The following SMOC2 variants were observed in gnomAD, a reference collection of about 807,000 sequenced individuals.
SMOC2 encodes the protein SPARC related modular calcium binding 2.
In SMOC2, 39 loss-of-function variants were observed where a neutral mutation model predicts 61.4. That is an observed-to-expected ratio of 0.64 (90% CI 0.49 to 0.83). SMOC2 has a LOEUF of 0.83. Among genes scored for constraint, SMOC2 ranks in the 40% least tolerant of loss-of-function variants. The probability of loss-of-function intolerance (pLI) is 0.00; values close to 1 mark genes in which losing one functional copy is unlikely to be tolerated. For missense variants in SMOC2, 556 were observed against 592.9 expected (o/e 0.94, Z 0.65); for synonymous variants, 247 against 239.9 (o/e 1.03, Z -0.27).
intron 7 of SMOC2, among the ~76,000 whole-genome samples, chr6:168,551,252 T>A (rs1209943925): frequency 1.3e-5 from 2 of 151,934 alleles, no homozygotes; most frequent in Non-Finnish European, 2.9e-5. Flanking sequence ...GAACCGTGAG[T>A]CCATTAAACC....
At chr6:168,528,395 T>C (rs923888269) in intron 4 of SMOC2, among the ~76,000 whole-genome samples, 3 of 152,160 alleles carry the variant, frequency 2.0e-5, no homozygotes, top group Non-Finnish European at 4.4e-5. Flanking sequence ...AATGCTATGA[T>C]CTAGCCCTCC....
chr6:168,472,384 T>G (rs1300841184), intron 1 of SMOC2, among the ~76,000 whole-genome samples: 3 of 152,178 alleles, frequency 2.0e-5, no homozygotes, highest in Non-Finnish European at 4.4e-5. Flanking sequence ...TTCTGGCACT[T>G]CTACTCTATT....
intron 3 of SMOC2, 125 bp downstream of exon 3, chr6:168,526,577 A>G: frequency 1.4e-6 from 1 of 713,542 alleles, no homozygotes; most frequent in Non-Finnish European, 2.4e-6. Flanking sequence ...TCTCTGGGGA[A>G]ATCAGCCTTC....
chr6:168,478,876 C>T (rs1782146302), intron 1 of SMOC2, among the ~76,000 whole-genome samples: 1 of 151,456 alleles, frequency 6.6e-6, no homozygotes, highest in Admixed American at 6.6e-5. Context: ...GGAAAGGAGT[C>T]AGGAATGTTG....
chr6:168,518,144 G>A (rs1459509648), intron 2 of SMOC2, among the ~76,000 whole-genome samples: 1 of 152,210 alleles, frequency 6.6e-6, no homozygotes, highest in African/African-American at 2.4e-5. Context: ...CGGGAGTCGC[G>A]ACGTCCCCAT....
At chr6:168,489,516 C>G in intron 1 of SMOC2, among the ~76,000 whole-genome samples, 1 of 149,854 alleles carries the variant, frequency 6.7e-6, no homozygotes, top group African/African-American at 2.5e-5. Flanking sequence ...TCGTCTGGGT[C>G]CCCTTGGATC....
chr6:168,473,027 A>G (rs780473235), intron 1 of SMOC2, among the ~76,000 whole-genome samples: 4 of 152,164 alleles, frequency 2.6e-5, no homozygotes, highest in Non-Finnish European at 2.9e-5. Context: ...CCATTGCCCA[A>G]CACTGCAAAA....
chr6:168,475,704 G>A lies in SMOC2; in HGVS notation c.85-34211G>A, dbSNP rs1782064107. On this transcript the variant is annotated intron_variant, in intron 1 of 12. Transcript: ENST00000356284. This position sits in a 1 kb window ranked among gnomAD's most constrained non-coding sequence, Gnocchi z 4.6. ...CCCAGGGAGGCCACGTGTGAGACCT[G>A]GTGTGGGTCGAGGACACTGCTCGGC... Among the ~76,000 whole-genome samples the A allele has an allele frequency of 6.6e-6, 1 of 152,092 alleles. No individual in the cohort carries two copies. Among genetic ancestry groups the A allele is most frequent in the Admixed American group, 6.5e-5 (1 of 15,276 alleles).
intron 7 of SMOC2, among the ~76,000 whole-genome samples, chr6:168,573,650 C>T (rs1025697192): frequency 6.6e-6 from 1 of 152,146 alleles, no homozygotes; most frequent in African/African-American, 2.4e-5. Context: ...AGGCAATCTT[C>T]CTGGGAACTC....
At chr6:168,633,850 C>G (rs1334823806) in intron 9 of SMOC2, among the ~76,000 whole-genome samples, 4 of 152,156 alleles carry the variant, frequency 2.6e-5, no homozygotes, top group African/African-American at 9.7e-5. Context: ...TTCCCATAAT[C>G]CCCATGTGTC....
At chr6:168,488,422 C>T (rs1274421532) in intron 1 of SMOC2, among the ~76,000 whole-genome samples, 1 of 152,220 alleles carries the variant, frequency 6.6e-6, no homozygotes, top group African/African-American at 2.4e-5. Flanking sequence ...CAGAAACTCA[C>T]TCAGTTCTGG....
At position 168,536,777 on chromosome 6, in the gene SMOC2, C is replaced by A. The variant is rs1257216047; in HGVS notation, c.464-6848C>A. Among the ~76,000 whole-genome samples the A allele has an allele frequency of 4.6e-5, 7 of 152,126 alleles. No individual in the cohort carries two copies. In the East Asian group the frequency reaches 1.4e-3, roughly 29 times the overall value. The stretch of plus-strand genomic sequence containing the variant: ...GTGCCGTCCCTGCTCCAGAATGTCC[C>A]CAACAAGGAGTGCGTGCAAGTCCTG... On this transcript the variant is annotated intron_variant, in intron 4 of 12. Transcript: ENST00000356284.
At chr6:168,613,011 C>T (rs896048534) in intron 9 of SMOC2, among the ~76,000 whole-genome samples, 1 of 152,214 alleles carries the variant, frequency 6.6e-6, no homozygotes, top group Non-Finnish European at 1.5e-5. Flanking sequence ...CTTTCACTCT[C>T]GGATACGGTT....
At position 168,485,862 on chromosome 6, in the gene SMOC2, A is replaced by C. The variant is rs557350932; in HGVS notation, c.85-24053A>C. 3.9e-5 allele frequency among the ~76,000 whole-genome samples: 6 copies of C among 152,324 alleles called. No individual in the cohort carries two copies. In the East Asian group the frequency reaches 1.2e-3, roughly 29 times the overall value. ...TCTCAACATGCATGGATTAGTAATA[A>C]ATTTCTAAACTCTCCCTTATAGGTT... On this transcript the variant is annotated intron_variant, in intron 1 of 12. Coordinates refer to ENST00000356284, the MANE Select transcript of SMOC2 (RefSeq NM_001166412.2).
intron 1 of SMOC2, among the ~76,000 whole-genome samples, chr6:168,460,958 C>CA (rs1275342627): frequency 6.6e-6 from 1 of 152,212 alleles, no homozygotes; most frequent in Non-Finnish European, 1.5e-5. Flanking sequence ...GCTCTAAACA[C>CA]AGAGGTTCTT....
At chr6:168,607,584 C>CG (rs113275941) in intron 8 of SMOC2, among the ~76,000 whole-genome samples, 1 of 109,806 alleles carries the variant, frequency 9.1e-6, no homozygotes, top group African/African-American at 3.4e-5. Flanking sequence ...ACCAGAGAGT[C>CG]GTTTTTTTTT....
At chr6:168,496,348 C>T (rs968644671) in intron 1 of SMOC2, among the ~76,000 whole-genome samples, 1 of 152,202 alleles carries the variant, frequency 6.6e-6, no homozygotes, top group Non-Finnish European at 1.5e-5. Context: ...GATTTATGAG[C>T]TGCCTTGTCC....
chr6:168,490,965 A>C (rs1782459378), intron 1 of SMOC2, among the ~76,000 whole-genome samples: 1 of 152,190 alleles, frequency 6.6e-6, no homozygotes, highest in Non-Finnish European at 1.5e-5. Flanking sequence ...ACTCATTAAA[A>C]GGTGACCCCG....
At chr6:168,484,724 A>G (rs1404372534) in intron 1 of SMOC2, among the ~76,000 whole-genome samples, 2 of 152,236 alleles carry the variant, frequency 1.3e-5, no homozygotes, top group African/African-American at 4.8e-5. Flanking sequence ...AGATAAATGA[A>G]ATGTGGTGTA....
Sources: gnomAD v4.1 joint callset for allele counts (sites outside exome capture counted in the v4.1 genomes callset) on GRCh38, gnomAD v4.1.1 for gene constraint, Gnocchi (gnomAD v3.1) non-coding constraint, MANE v1.5 for transcripts, NCBI Gene and HGNC (gene_info 2026-07-23, HGNC 2026-07-21) for gene names.